Variants in NELL1 observed in about 807,000 individuals in gnomAD.
NELL1 encodes the protein protein kinase C-binding protein NELL1.
NELL1 carries 76 observed loss-of-function variants against 107.4 expected under a neutral mutation model. The observed-to-expected ratio is 0.71, with a 90% CI of 0.59 to 0.86. The LOEUF (loss-of-function observed/expected upper bound fraction) is 0.86. Ranked by LOEUF, NELL1 falls within the 40% of genes least tolerant of loss-of-function variation. The pLI is 0.00. For missense variants in NELL1, 1,024 were observed against 1,005.5 expected (o/e 1.02, Z -0.25); for synonymous variants, 353 against 341.2 (o/e 1.03, Z -0.38).
At chr11:21,161,631 T>A (rs2133800703) in intron 13 of NELL1, among the ~76,000 whole-genome samples, 1 of 152,308 alleles carries the variant, frequency 6.6e-6, no homozygotes, top group African/African-American at 2.4e-5. Context: ...TAATTATATG[T>A]GTGTGTATAA....
At chr11:21,088,170 T>C (rs1350200704) in intron 12 of NELL1, among the ~76,000 whole-genome samples, 3 of 151,404 alleles carry the variant, frequency 2.0e-5, no homozygotes, top group Non-Finnish European at 4.4e-5. Flanking sequence ...TACCTGGCCA[T>C]AGGAGTTTAT....
At chr11:20,675,794 TAC>T (rs1854040337) in intron 1 of NELL1, among the ~76,000 whole-genome samples, 1 of 152,044 alleles carries the variant, frequency 6.6e-6, no homozygotes, top group Admixed American at 6.6e-5. Context: ...TTTTTTTTGA[TAC>T]AGAGTTTCAC....
chr11:20,814,461 C>T (rs972064714), intron 3 of NELL1, among the ~76,000 whole-genome samples: 2 of 152,208 alleles, frequency 1.3e-5, no homozygotes, highest in African/African-American at 4.8e-5. Flanking sequence ...TCCCACCGCT[C>T]TAAATAGTCC....
intron 5 of NELL1, among the ~76,000 whole-genome samples, chr11:20,905,552 T>G (rs1434750170): frequency 3.3e-5 from 5 of 151,972 alleles, no homozygotes; most frequent in African/African-American, 1.2e-4. Flanking sequence ...GAAAATGATG[T>G]ATAAAAAAAT....
chr11:21,074,195 A>G (rs1446345994), intron 12 of NELL1, among the ~76,000 whole-genome samples: 1 of 152,140 alleles, frequency 6.6e-6, no homozygotes, highest in Non-Finnish European at 1.5e-5. Context: ...TATTAAAAAT[A>G]CATAATCTGA....
chr11:20,950,060 A>C (rs1228110775), intron 11 of NELL1, among the ~76,000 whole-genome samples: 1 of 152,122 alleles, frequency 6.6e-6, no homozygotes, highest in Non-Finnish European at 1.5e-5. Context: ...TTTTCCCGGG[A>C]GGTAGGTGAA....
At chr11:21,241,254 G>C (rs1206259948) in intron 14 of NELL1, among the ~76,000 whole-genome samples, 1 of 152,066 alleles carries the variant, frequency 6.6e-6, no homozygotes, top group East Asian at 1.9e-4. Flanking sequence ...GTTTTGGGTA[G>C]CAGTTATTTG....
chr11:20,985,144 A>T (rs1273831228), intron 12 of NELL1, among the ~76,000 whole-genome samples: 4 of 152,130 alleles, frequency 2.6e-5, no homozygotes, highest in Non-Finnish European at 4.4e-5. Context: ...CTAGAATTTG[A>T]AGTGGTTACT....
chr11:21,412,189 G>T (rs1041465281), intron 15 of NELL1, among the ~76,000 whole-genome samples: 5 of 152,136 alleles, frequency 3.3e-5, no homozygotes, highest in African/African-American at 1.2e-4. Flanking sequence ...TCCTCATTTA[G>T]TTATTTTCTC....
chr11:21,057,157 T>C (rs1294428870), intron 12 of NELL1, among the ~76,000 whole-genome samples: 1 of 152,076 alleles, frequency 6.6e-6, no homozygotes, highest in African/African-American at 2.4e-5. Context: ...ATGTAAATTT[T>C]AAAAATGGGG....
At chr11:20,704,497 C>G (rs1406713049) in intron 2 of NELL1, among the ~76,000 whole-genome samples, 1 of 152,102 alleles carries the variant, frequency 6.6e-6, no homozygotes, top group Non-Finnish European at 1.5e-5. Context: ...GCATTTAGCC[C>G]ATTTAGATTT....
chr11:20,998,494 A>G (rs549580476), intron 12 of NELL1, among the ~76,000 whole-genome samples: 2 of 151,970 alleles, frequency 1.3e-5, no homozygotes, highest in Non-Finnish European at 2.9e-5. Context: ...GATGGTGACA[A>G]TTTTCATTAA....
chr11:20,738,805 C>T (rs529630252), intron 2 of NELL1, among the ~76,000 whole-genome samples: 51 of 152,244 alleles, frequency 3.3e-4, no homozygotes, highest in African/African-American at 1.2e-3. Flanking sequence ...AAAGATGGGA[C>T]CTATTTCTTT....
intron 12 of NELL1, among the ~76,000 whole-genome samples, chr11:21,100,797 T>C (rs1436646665): frequency 6.6e-6 from 1 of 152,220 alleles, no homozygotes; most frequent in African/African-American, 2.4e-5. Flanking sequence ...TTATTCCAGA[T>C]AGAGACAGTA....
At chr11:21,167,116 C>T (rs1317010781) in intron 13 of NELL1, among the ~76,000 whole-genome samples, 2 of 151,726 alleles carry the variant, frequency 1.3e-5, no homozygotes, top group East Asian at 1.9e-4. Context: ...ATTTTCAGAG[C>T]GGATTGACCT....
chr11:21,485,449 C>T (rs1332174820), intron 15 of NELL1, among the ~76,000 whole-genome samples: 4 of 151,142 alleles, frequency 2.6e-5, no homozygotes, highest in African/African-American at 2.4e-5. Context: ...TCCAAGTTCA[C>T]AGCCCTTAGA....
chr11:21,188,097 T>G (rs1266265075), intron 13 of NELL1, among the ~76,000 whole-genome samples: 1 of 151,880 alleles, frequency 6.6e-6, no homozygotes, highest in African/African-American at 2.4e-5. Context: ...GGTTCTGGAC[T>G]ATAAAAAAAG....
At chr11:21,306,133 T>C (rs763619579) in intron 14 of NELL1, among the ~76,000 whole-genome samples, 8 of 151,994 alleles carry the variant, frequency 5.3e-5, no homozygotes, top group Non-Finnish European at 1.0e-4. Flanking sequence ...TTGGATATTT[T>C]ATCTTTTGGA....
chr11:21,116,483 C>T (rs919160193), intron 13 of NELL1, among the ~76,000 whole-genome samples: 3 of 151,964 alleles, frequency 2.0e-5, no homozygotes, highest in East Asian at 3.9e-4. Flanking sequence ...ATTATATATT[C>T]AACTTGACAT....
Sources: gnomAD v4.1 joint callset for allele counts (sites outside exome capture counted in the v4.1 genomes callset) on GRCh38, gnomAD v4.1.1 for gene constraint, MANE v1.5 for transcripts, NCBI Gene and HGNC (gene_info 2026-07-23, HGNC 2026-07-21) for gene names.